Variants in FOXRED2 observed in about 807,000 individuals in gnomAD.
FOXRED2 encodes FAD dependent oxidoreductase domain containing 2, also known as FAD-dependent oxidoreductase domain-containing protein 2.
A neutral mutation model predicts 52.5 loss-of-function variants in FOXRED2; 32 were observed. The observed-to-expected ratio is 0.61, with a 90% CI of 0.46 to 0.82. FOXRED2 has a LOEUF of 0.82. Ranked by LOEUF, FOXRED2 falls within the 40% of genes least tolerant of loss-of-function variation. The probability of loss-of-function intolerance (pLI) is 0.00; values close to 1 mark genes in which losing one functional copy is unlikely to be tolerated. For synonymous variants in FOXRED2, 405 were observed against 398.1 expected, an observed-to-expected ratio of 1.02 and a Z score of -0.21; for missense variants, 848 against 937.5, an observed-to-expected ratio of 0.90 and a Z score of 1.25.
At chr22:36,497,680 C>G (rs73411713) in intron 6 of FOXRED2, among the ~76,000 whole-genome samples, 9 of 152,338 alleles carry the variant, frequency 5.9e-5, no homozygotes, top group African/African-American at 2.2e-4. Flanking sequence ...ACTGCTCATC[C>G]ACGTGATGCC....
intron 7 of FOXRED2, among the ~76,000 whole-genome samples, chr22:36,494,078 A>T (rs943218804): frequency 6.6e-6 from 1 of 152,188 alleles, no homozygotes; most frequent in African/African-American, 2.4e-5. Flanking sequence ...CGTTTCCCTA[A>T]GACTCACATG....
intron 4 of FOXRED2, among the ~76,000 whole-genome samples, chr22:36,503,384 A>G (rs1934105936): frequency 6.9e-6 from 1 of 144,054 alleles, no homozygotes; most frequent in South Asian, 2.2e-4. Context: ...ATCTCGGCTC[A>G]CTGCAACTTC....
intron 7 of FOXRED2, among the ~76,000 whole-genome samples, chr22:36,494,922 C>T (rs527403728): frequency 2.0e-5 from 3 of 151,842 alleles, no homozygotes; most frequent in Non-Finnish European, 2.9e-5. Flanking sequence ...CAGGCGTGAG[C>T]GACCGCGCCC....
chr22:36,505,779 A>G, intron 2 of FOXRED2, 117 bp downstream of exon 2: 1 of 1,201,260 alleles, frequency 8.3e-7, no homozygotes, highest in Non-Finnish European at 1.2e-6. Flanking sequence ...TTAAAAAAAA[A>G]AAAAAGCGAA....
chr22:36,492,272 G>GA (rs1224945143), intron 8 of FOXRED2, among the ~76,000 whole-genome samples: 2 of 152,192 alleles, frequency 1.3e-5, no homozygotes, highest in African/African-American at 4.8e-5. Context: ...ATGCTCAGCA[G>GA]AATCTGGGGC....
In FOXRED2 at chr22:36,498,026, C is replaced by T. The variant is rs1391597103; in HGVS notation, c.1347G>A (p.Met449Ile). 2.5e-6 allele frequency: 4 copies of T among 1,614,110 alleles called. No individual in the cohort carries two copies. The highest frequency in any genetic ancestry group is 3.3e-5 in the Admixed American group (2 of 60,012). Residue 449 changes from methionine to isoleucine, a missense_variant, in exon 6 of 9, where the codon ATG (methionine) becomes ATA (isoleucine). Physicochemically the swap from Met to Ile is conservative, Grantham distance 10 (BLOSUM62 1). Coordinates refer to ENST00000397224, the MANE Select transcript of FOXRED2 (RefSeq NM_001102371.2). ...GGATGACATCGGCCAGCACACCGAA[C>T]ATCTGGTAGAGCCCAGAAGCCTCAT... ...RVNEASGLYQ[M>I]FGVLADVILL...
intron 2 of FOXRED2, among the ~76,000 whole-genome samples, chr22:36,505,334 G>A (rs1050122815): frequency 6.6e-6 from 1 of 152,238 alleles, no homozygotes; most frequent in African/African-American, 2.4e-5. Context: ...AAGCAGCAGA[G>A]CCAGAGTCTA....
rs763750470 is a variant in FOXRED2 at position 36,501,322 on chromosome 22, G to A, written c.1135C>T (p.Leu379=). The change falls in exon 5 of 9, where the codon CTG becomes TTG. Residue 379 remains leucine, a synonymous_variant. Transcript: ENST00000397224. ...TGGCTGGCAGTACCCAGGATAAACA[G>A]ACCCCGGCTTCCTTTGGATTCGTAG... ...ASYESKGSRG[L]FILGTASHSV... The A allele has an allele frequency of 1.2e-6, 2 of 1,614,146 alleles. No individual in the cohort carries two copies. Among genetic ancestry groups the A allele is most frequent in the Non-Finnish European group, 1.7e-6 (2 of 1,180,028 alleles).
rs149401473 is a variant in FOXRED2, at chr22:36,490,085, C to G, written c.1978G>C (p.Asp660His). ...RLEDSSQQLGDQEPLGSPLAP... is the reference protein window; with the variant it reads ...RLEDSSQQLGHQEPLGSPLAP... ...AGGGGGGAACCTAGTGGCTCTTGGT[C>G]GCCAAGCTGCTGGCTGCTGTCCTCC... The change falls in exon 9 of 9, where the codon GAC becomes CAC. Residue 660 changes from aspartate (D) to histidine (H), a missense_variant. Asp to His is a moderately conservative substitution (Grantham distance 81). Transcript: ENST00000397224. The G allele has an allele frequency of 6.2e-7, 1 of 1,613,612 alleles. No homozygotes were observed. The highest frequency in any genetic ancestry group is 8.5e-7 in the Non-Finnish European group (1 of 1,179,644).
intron 2 of FOXRED2, 139 bp downstream of exon 2, chr22:36,505,757 T>A (rs531318270): frequency 2.1e-6 from 2 of 938,108 alleles, no homozygotes; most frequent in Non-Finnish European, 3.2e-6. Context: ...GGCGACAGAG[T>A]GAGACTCCGT....
intron 5 of FOXRED2, 199 bp from the exon 6 acceptor site, chr22:36,498,355 T>C: frequency 1.7e-6 from 1 of 593,622 alleles, no homozygotes; most frequent in Non-Finnish European, 3.0e-6. Context: ...AGGTATTTTC[T>C]GGAAAGGGCC....
In FOXRED2 at chr22:36,506,161, T is replaced by C; in HGVS notation, c.262A>G (p.Lys88Glu). 2 of 1,614,230 alleles carry C rather than the reference T, an allele frequency of 1.2e-6. No individual in the cohort carries two copies. The highest frequency in any genetic ancestry group is 1.7e-6 in the Non-Finnish European group (2 of 1,180,024). The change falls in exon 2 of 9, where the codon AAG becomes GAG. Residue 88 changes from lysine (K) to glutamate (E), a missense_variant. Physicochemically the swap from Lys to Glu is moderately conservative, Grantham distance 56. Transcript: ENST00000397224. ...LISINKRYTG[K>E]ANAEFNLRHD... ...CGGAGGTTGAACTCGGCGTTAGCCT[T>C]GCCCGTGTACCGCTTGTTGATGCTG...
chr22:36,504,756 C>T lies in FOXRED2; in HGVS notation c.538G>A (p.Val180Ile). 6.2e-7 allele frequency: 1 copy of T among 1,614,066 alleles called. No individual in the cohort carries two copies. Among genetic ancestry groups the T allele is most frequent in the Non-Finnish European group, 8.5e-7 (1 of 1,180,002 alleles). The stretch of plus-strand genomic sequence containing the variant: ...TTGGGGACTGATAAACCAGTGGCTA[C>T]AAAGAGGACGCTGCAGGCGGGGACA... ...GQVHQCSVLF[V>I]ATGLSVPNQV... Residue 180 changes from valine (V) to isoleucine (I), a missense_variant, in exon 3 of 9, where the codon GTA becomes ATA. Val to Ile is a conservative substitution (Grantham distance 29, BLOSUM62 3). Coordinates refer to ENST00000397224, the MANE Select transcript of FOXRED2 (RefSeq NM_001102371.2).
At position 36,501,344 on chromosome 22, in the gene FOXRED2, G is replaced by A. The variant is rs144879175; in HGVS notation, c.1113C>T (p.Tyr371=). The A allele has an allele frequency of 4.0e-5, 65 of 1,614,012 alleles. No homozygotes were observed. Among genetic ancestry groups the A allele is most frequent in the African/African-American group, 3.1e-4 (23 of 74,898 alleles). The part of the protein sequence containing the change: ...GKKYPLIRAS[Y]ESKGSRGLFI... ...ACAGACCCCGGCTTCCTTTGGATTC[G>A]TAGCTAGCTCGAATCAGCGGGTACT... Residue 371 remains tyrosine (Y), a synonymous_variant, in exon 5 of 9, where the codon TAC becomes TAT. Coordinates refer to ENST00000397224, the MANE Select transcript of FOXRED2 (RefSeq NM_001102371.2).
intron 8 of FOXRED2, among the ~76,000 whole-genome samples, chr22:36,493,337 G>A (rs1050949731): frequency 2.6e-5 from 4 of 152,072 alleles, no homozygotes; most frequent in Non-Finnish European, 5.9e-5. Flanking sequence ...TTCTTGGGAG[G>A]CTGAGGCAGG....
intron 4 of FOXRED2, among the ~76,000 whole-genome samples, chr22:36,502,539 GGCATGATCATA>G (rs1327966864): frequency 1.3e-5 from 2 of 152,032 alleles, no homozygotes; most frequent in East Asian, 3.9e-4. Context: ...GCTATTCACA[GGCATGATCATA>G]GCACACTGTA....
chr22:36,498,448 A>C (rs1421676739), intron 5 of FOXRED2: 1 of 332,838 alleles, frequency 3.0e-6, no homozygotes, highest in Non-Finnish European at 5.6e-6. Flanking sequence ...AAAGCGGCCA[A>C]GACAACAGGC....
In FOXRED2 at chr22:36,506,254, C is replaced by T. The variant is rs377080988; in HGVS notation, c.169G>A (p.Ala57Thr). The T allele has an allele frequency of 6.2e-7, 1 of 1,611,346 alleles. No homozygotes were observed. Among genetic ancestry groups the T allele is most frequent in the African/African-American group, 1.3e-5 (1 of 74,910 alleles). Residue 57 changes from alanine (A) to threonine (T), a missense_variant, in exon 2 of 9, where the codon GCA becomes ACA. By Grantham distance (58) the Ala-to-Thr change is moderately conservative. Transcript: ENST00000397224. The stretch of plus-strand genomic sequence containing the variant: ...GGCCGCGGGGCCCGCTCGAACACTG[C>T]GTAGTCGCGTCCAGCGCGCTGCAGG... ...YFLQRAGRDY[A>T]VFERAPRPGS...
chr22:36,505,017 A>AGC (rs1934156876), intron 2 of FOXRED2, among the ~76,000 whole-genome samples: 1 of 152,160 alleles, frequency 6.6e-6, no homozygotes, highest in Non-Finnish European at 1.5e-5. Flanking sequence ...CTGGGGGTTA[A>AGC]ATTTGCCCTG....
Sources: gnomAD v4.1 joint callset for allele counts (sites outside exome capture counted in the v4.1 genomes callset) on GRCh38, gnomAD v4.1.1 for gene constraint, MANE v1.5 for transcripts, NCBI Gene and HGNC (gene_info 2026-07-23, HGNC 2026-07-21) for gene names.